Variants in ICA1 observed in about 807,000 individuals in gnomAD.
ICA1 encodes 69 kDa islet cell autoantigen.
ICA1 carries 40 observed loss-of-function variants against 71.0 expected under a neutral mutation model. The ratio of observed to expected loss-of-function variants is 0.56; its 90% CI spans 0.44 to 0.73. The LOEUF (loss-of-function observed/expected upper bound fraction) is 0.73, where lower values mean the gene tolerates loss of function less well. Among genes scored for constraint, ICA1 ranks in the 30% least tolerant of loss-of-function variants. ICA1 has a pLI of 0.00. For synonymous variants in ICA1, 207 were observed against 209.5 expected (o/e 0.99, Z 0.10); for missense variants, 578 against 576.5 (o/e 1.00, Z -0.03).
chr7:8,215,802 G>A (rs1795219290), intron 6 of ICA1, among the ~76,000 whole-genome samples: 16 of 152,222 alleles, frequency 1.1e-4, no homozygotes, highest in Admixed American at 9.2e-4. Context: ...GGTGGCAGCC[G>A]GCCCCGAGGA....
chr7:8,172,729 T>C (rs1271072839), intron 6 of ICA1, among the ~76,000 whole-genome samples: 2 of 152,190 alleles, frequency 1.3e-5, no homozygotes, highest in Admixed American at 1.3e-4. Flanking sequence ...CAGTTTAATT[T>C]AGTACATTCA....
intron 1 of ICA1, among the ~76,000 whole-genome samples, chr7:8,254,104 A>T (rs573124331): frequency 4.1e-4 from 62 of 152,258 alleles, no homozygotes; most frequent in Non-Finnish European, 6.6e-4. Context: ...ATTTAGTCCA[A>T]CCTCCTCTTT....
chr7:8,190,475 A>G (rs1281411218), intron 6 of ICA1, among the ~76,000 whole-genome samples: 1 of 152,250 alleles, frequency 6.6e-6, no homozygotes, highest in Non-Finnish European at 1.5e-5. Context: ...ATCAATTATA[A>G]TAAGGTAATA....
chr7:8,115,143 T>TA (rs1031078295), intron 13 of ICA1, among the ~76,000 whole-genome samples: 21 of 152,166 alleles, frequency 1.4e-4, no homozygotes, highest in African/African-American at 4.6e-4. Context: ...CCTCTTTTTG[T>TA]AAAAAAAGTC....
In ICA1 at chr7:8,118,149, A is replaced by C. The variant is rs551580472; in HGVS notation, c.1331-4105T>G. On this transcript the variant is annotated intron_variant, in intron 13 of 13. Transcript: ENST00000402384. ...TACCTGGCACATATTCATTATTACA[A>C]TAATACTCACTGGTTGAAGTATTTC... is the stretch of plus-strand genomic sequence containing the variant. Among the ~76,000 whole-genome samples the C allele has an allele frequency of 6.6e-5, 10 of 152,350 alleles. No homozygotes were observed. In the South Asian group the frequency reaches 2.1e-3, roughly 32 times the overall value.
chr7:8,165,740 A>G (rs1805687330), intron 6 of ICA1, among the ~76,000 whole-genome samples: 1 of 152,244 alleles, frequency 6.6e-6, no homozygotes. Context: ...AACCAAGCTG[A>G]AAGCCAAATC....
chr7:8,200,201 C>CA (rs1290164658), intron 6 of ICA1, among the ~76,000 whole-genome samples: 1 of 151,392 alleles, frequency 6.6e-6, no homozygotes, highest in African/African-American at 2.4e-5. Context: ...TATGTACCCA[C>CA]AAAAAATAAA....
intron 6 of ICA1, among the ~76,000 whole-genome samples, chr7:8,207,428 T>C (rs1407741493): frequency 1.3e-5 from 2 of 152,362 alleles, no homozygotes; most frequent in South Asian, 2.1e-4. Context: ...TGAGTTCCAT[T>C]GATCTTGCTT....
intron 6 of ICA1, among the ~76,000 whole-genome samples, chr7:8,165,636 T>A (rs898641181): frequency 6.6e-6 from 1 of 152,180 alleles, no homozygotes; most frequent in African/African-American, 2.4e-5. Flanking sequence ...CATCATCTCT[T>A]CCCAAAGCTT....
At chr7:8,217,906 T>C (rs1193422282) in intron 6 of ICA1, among the ~76,000 whole-genome samples, 2 of 152,184 alleles carry the variant, frequency 1.3e-5, no homozygotes, top group Non-Finnish European at 2.9e-5. Flanking sequence ...AGGAGCATTA[T>C]TATTCTATTA....
intron 6 of ICA1, among the ~76,000 whole-genome samples, chr7:8,179,064 G>A (rs939453750): frequency 2.0e-5 from 3 of 152,112 alleles, no homozygotes; most frequent in African/African-American, 7.2e-5. Flanking sequence ...ACAGGCTCCT[G>A]TATGTGCTTT....
At chr7:8,186,189 T>C (rs1479614024) in intron 6 of ICA1, among the ~76,000 whole-genome samples, 1 of 152,140 alleles carries the variant, frequency 6.6e-6, no homozygotes, top group African/African-American at 2.4e-5. Flanking sequence ...AGACAGGGAA[T>C]CCTGGGATAC....
At position 8,173,582 on chromosome 7, in the gene ICA1, G is replaced by A. The variant is rs761045611; in HGVS notation, c.580-14930C>T. Among the ~76,000 whole-genome samples the A allele has an allele frequency of 7.9e-5, 12 of 152,122 alleles. No homozygotes were observed. Among genetic ancestry groups the A allele is most frequent in the East Asian group, 1.9e-4 (1 of 5,204 alleles). Reference sequence around the variant, plus strand: ...AAACTGTCTGTGCTTCAGGACGACCGGATAATTGACAAGGGAGTTATTCAT... The same window carrying A: ...AAACTGTCTGTGCTTCAGGACGACCAGATAATTGACAAGGGAGTTATTCAT... On this transcript the variant is annotated intron_variant, in intron 6 of 13. Coordinates refer to ENST00000402384, the MANE Select transcript of ICA1 (RefSeq NM_001136020.3). This position sits in a 1 kb window ranked among gnomAD's most constrained non-coding sequence, Gnocchi z 4.0.
At chr7:8,212,929 A>C (rs1042748457) in intron 6 of ICA1, among the ~76,000 whole-genome samples, 1 of 152,178 alleles carries the variant, frequency 6.6e-6, no homozygotes, top group African/African-American at 2.4e-5. Flanking sequence ...ATCTCATCCA[A>C]TTCAGAACTG....
rs1434965499 is a variant in ICA1 at position 8,113,201 on chromosome 7, TTTTCTG to T, written c.*716_*721del. The T allele has an allele frequency of 1.5e-5, 2 of 137,098 alleles. No homozygotes were observed. Among genetic ancestry groups the T allele is most frequent in the Non-Finnish European group, 3.2e-5 (2 of 61,786 alleles). The allele number at this position is 137,098 out of a possible 1,614,324, so 8.5% of individuals were successfully genotyped here. A position where few individuals can be genotyped will look rare whatever the true frequency, so the allele number is the denominator to read the frequency against. On this transcript the variant is annotated 3_prime_UTR_variant, in exon 14 of 14. Coordinates refer to ENST00000402384, the MANE Select transcript of ICA1 (RefSeq NM_001136020.3). This position sits in a 1 kb window ranked among gnomAD's most constrained non-coding sequence, Gnocchi z 4.2. ...AACTTGACTTTGCATGTCAAATATC[TTTTCTG>T]TTTAATTAAAAAAAAAAAAAAAACA...
chr7:8,235,842 G>T (rs1319010082), intron 2 of ICA1, 68 bp downstream of exon 2: 2 of 1,474,432 alleles, frequency 1.4e-6, no homozygotes, highest in Non-Finnish European at 9.5e-7. Context: ...CCATTCAATA[G>T]ATGTTTATTG....
At chr7:8,182,543 G>T (rs1379603595) in intron 6 of ICA1, among the ~76,000 whole-genome samples, 1 of 152,134 alleles carries the variant, frequency 6.6e-6, no homozygotes, top group Admixed American at 6.5e-5. Flanking sequence ...TTCCAAAGTG[G>T]AATGAATTAA....
At chr7:8,151,301 T>C (rs927797164) in intron 8 of ICA1, among the ~76,000 whole-genome samples, 3 of 152,230 alleles carry the variant, frequency 2.0e-5, no homozygotes, top group Non-Finnish European at 2.9e-5. Flanking sequence ...ACCAGCTGCC[T>C]GGGAGAACCA....
intron 1 of ICA1, among the ~76,000 whole-genome samples, chr7:8,254,753 G>T (rs1809461177): frequency 6.6e-6 from 1 of 151,904 alleles, no homozygotes; most frequent in Admixed American, 6.6e-5. Flanking sequence ...ACAGGAAGCA[G>T]AAAGTGGGGA....
Sources: allele counts gnomAD v4.1 joint callset (sites outside exome capture counted in the v4.1 genomes callset), GRCh38; gene constraint gnomAD v4.1.1; non-coding constraint Gnocchi (gnomAD v3.1); transcripts MANE v1.5; gene names NCBI Gene and HGNC (gene_info 2026-07-23, HGNC 2026-07-21).